EPHA3: variants seen among roughly 807,000 people sequenced by gnomAD.
The protein encoded by EPHA3 is EPH receptor A3.
A neutral mutation model predicts 107.1 loss-of-function variants in EPHA3; 42 were observed. The observed-to-expected ratio is 0.39, with a 90% CI of 0.31 to 0.51. EPHA3 has a LOEUF of 0.51. Among genes scored for constraint, EPHA3 ranks in the 20% least tolerant of loss-of-function variants. EPHA3 has a pLI of 0.78. For synonymous variants in EPHA3, 461 were observed against 424.8 expected (o/e 1.09, Z -1.05); for missense variants, 1,183 against 1,211.2 (o/e 0.98, Z 0.35).
chr3:89,325,425 A>G (rs549736940), intron 3 of EPHA3, among the ~76,000 whole-genome samples: 1 of 152,302 alleles, frequency 6.6e-6, no homozygotes, highest in African/African-American at 2.4e-5. Flanking sequence ...AAATCTGATT[A>G]TGGTGTACCT....
chr3:89,359,856 TG>T (rs1252339572), intron 5 of EPHA3, among the ~76,000 whole-genome samples: 2 of 146,996 alleles, frequency 1.4e-5, no homozygotes, highest in Non-Finnish European at 3.0e-5. Context: ...TGCATATCTT[TG>T]GATTGTTGCA....
chr3:89,261,376 A>G (rs1705413428), intron 3 of EPHA3, among the ~76,000 whole-genome samples: 1 of 152,124 alleles, frequency 6.6e-6, no homozygotes. Context: ...CTTCAGTTAA[A>G]AGTCATCTGC....
At chr3:89,387,856 T>C (rs1295168599) in intron 5 of EPHA3, among the ~76,000 whole-genome samples, 1 of 152,138 alleles carries the variant, frequency 6.6e-6, no homozygotes, top group Non-Finnish European at 1.5e-5. Flanking sequence ...AAGGATAAGA[T>C]TATAAATTAT....
chr3:89,152,688 T>C (rs6800287), intron 2 of EPHA3, among the ~76,000 whole-genome samples: 144,528 of 152,174 alleles, frequency 0.95, 68,709 homozygotes, highest in African/African-American at 0.97. Flanking sequence ...AGTCAAAATA[T>C]ACTAGGGTAA....
At chr3:89,315,365 T>G (rs1201268220) in intron 3 of EPHA3, among the ~76,000 whole-genome samples, 2 of 151,750 alleles carry the variant, frequency 1.3e-5, no homozygotes, top group Non-Finnish European at 2.9e-5. Context: ...CTATAGTATG[T>G]GATGAGACGT....
In EPHA3 at chr3:89,479,730, T is replaced by C. The variant is rs1415251555; in HGVS notation, c.*228T>C. On this transcript the variant is annotated 3_prime_UTR_variant, in exon 17 of 17. Transcript: ENST00000336596. ...TTTTTTGTAATTGCTTTTTTAAATA[T>C]TAGTTAATGGATTAAATTTAATTCT... is the stretch of plus-strand genomic sequence containing the variant. The C allele has an allele frequency of 2.2e-6, 1 of 463,362 alleles. No homozygotes were observed. The highest frequency in any genetic ancestry group is 3.9e-6 in the Non-Finnish European group (1 of 259,428). 28.7% of individuals were successfully genotyped at this position (463,362 alleles called of 1,614,324 possible). A position where few individuals can be genotyped will look rare whatever the true frequency, so the allele number is the denominator to read the frequency against.
intron 2 of EPHA3, among the ~76,000 whole-genome samples, chr3:89,206,798 G>A (rs1443724110): frequency 6.6e-6 from 1 of 152,054 alleles, no homozygotes; most frequent in Non-Finnish European, 1.5e-5. Context: ...CATATAGAGT[G>A]GATGCATGAA....
chr3:89,238,836 A>C (rs1434536531), intron 3 of EPHA3, among the ~76,000 whole-genome samples: 1 of 152,198 alleles, frequency 6.6e-6, no homozygotes, highest in Non-Finnish European at 1.5e-5. Context: ...CATAGTGTTT[A>C]TAATAAACTA....
At chr3:89,455,624 C>A (rs1386532372) in intron 15 of EPHA3, among the ~76,000 whole-genome samples, 2 of 152,156 alleles carry the variant, frequency 1.3e-5, no homozygotes, top group African/African-American at 2.4e-5. Flanking sequence ...TCATTTTAAC[C>A]TTTCGACTTG....
chr3:89,324,360 G>A (rs1205764456), intron 3 of EPHA3, among the ~76,000 whole-genome samples: 5 of 151,348 alleles, frequency 3.3e-5, no homozygotes, highest in African/African-American at 7.3e-5. Context: ...TAGTAGAGAC[G>A]AGGTTTCCCC....
chr3:89,260,586 C>T (rs1202327062), intron 3 of EPHA3, among the ~76,000 whole-genome samples: 2 of 151,994 alleles, frequency 1.3e-5, no homozygotes. Context: ...TGGATATTAA[C>T]CCCTTATCAG....
At position 89,342,119 on chromosome 3, in the gene EPHA3, T is replaced by C. The variant is rs373524736; in HGVS notation, c.1306+29T>C. 9 of 1,567,828 alleles carry C rather than the reference T, an allele frequency of 5.7e-6. No homozygotes were observed. In the East Asian group the frequency reaches 1.6e-4, roughly 28 times the overall value. ...AGTACATACTAGATGCTTCTTACTC[T>C]TATCATATCACGTCTGAGTAATGGT... On this transcript the variant is annotated intron_variant, in intron 5 of 16. Transcript: ENST00000336596.
At chr3:89,457,793 T>C (rs1269914244) in intron 15 of EPHA3, among the ~76,000 whole-genome samples, 3 of 152,206 alleles carry the variant, frequency 2.0e-5, no homozygotes, top group Non-Finnish European at 4.4e-5. Flanking sequence ...AAGGGATTCA[T>C]ACGAGAGAAT....
chr3:89,286,364 T>G lies in EPHA3; in HGVS notation c.815-54552T>G, dbSNP rs1387479861. 2.0e-5 allele frequency among the ~76,000 whole-genome samples: 3 copies of G among 151,906 alleles called. No individual in the cohort carries two copies. The East Asian group carries it at 5.9e-4, about 30-fold the overall frequency. Reference sequence around the variant, plus strand: ...GTGTGAAATCAGAGCCGTTGTAGCCTTTGAACTGAGGAGGTCCATCATCTG... The same window carrying G: ...GTGTGAAATCAGAGCCGTTGTAGCCGTTGAACTGAGGAGGTCCATCATCTG... On this transcript the variant is annotated intron_variant, in intron 3 of 16. Transcript: ENST00000336596.
At chr3:89,211,823 TCTCCTC>T (rs1383676186) in intron 3 of EPHA3, among the ~76,000 whole-genome samples, 1 of 140,556 alleles carries the variant, frequency 7.1e-6, no homozygotes, top group Non-Finnish European at 1.5e-5. Context: ...TTCTTCTCCT[TCTCCTC>T]CTCCTCCTCT....
At chr3:89,158,916 G>C (rs571817023) in intron 2 of EPHA3, among the ~76,000 whole-genome samples, 1 of 152,062 alleles carries the variant, frequency 6.6e-6, no homozygotes, top group Non-Finnish European at 1.5e-5. Context: ...AAATTCCTAT[G>C]CATGTATTTG....
chr3:89,450,925 A>G (rs1709974192), intron 15 of EPHA3, among the ~76,000 whole-genome samples: 1 of 152,100 alleles, frequency 6.6e-6, no homozygotes, highest in South Asian at 2.1e-4. Flanking sequence ...AAATATACTG[A>G]ACACATACTT....
chr3:89,305,564 A>C (rs2107352134), intron 3 of EPHA3, among the ~76,000 whole-genome samples: 1 of 152,266 alleles, frequency 6.6e-6, no homozygotes, highest in East Asian at 1.9e-4. Context: ...TACCTCCAAA[A>C]GGTATTCTTT....
At chr3:89,469,536 C>G (rs536337627) in intron 15 of EPHA3, among the ~76,000 whole-genome samples, 2 of 152,240 alleles carry the variant, frequency 1.3e-5, no homozygotes, top group South Asian at 4.1e-4. Context: ...TTGAGCAGGT[C>G]TTTTGTACAT....
Sources: gnomAD v4.1 joint callset for allele counts (sites outside exome capture counted in the v4.1 genomes callset) on GRCh38, gnomAD v4.1.1 for gene constraint, MANE v1.5 for transcripts, NCBI Gene and HGNC (gene_info 2026-07-23, HGNC 2026-07-21) for gene names.